The following SIDT1 variants were observed in gnomAD, a reference collection of about 807,000 sequenced individuals.
The protein encoded by SIDT1 is SID1 transmembrane family, member 1.
Under a neutral mutation model 107.5 loss-of-function variants are expected in SIDT1, and 101 were observed. The observed-to-expected ratio is 0.94, with a 90% CI of 0.80 to 1.11. The LOEUF is 1.11. Among genes scored for constraint, SIDT1 ranks in the 50% least tolerant of loss-of-function variants. SIDT1 has a pLI of 0.00. For missense variants in SIDT1, 1,076 were observed against 1,058.2 expected (o/e 1.02, Z -0.23); for synonymous variants, 395 against 398.2 (o/e 0.99, Z 0.10).
At chr3:113,568,423 T>A (rs1942119017) in intron 3 of SIDT1, among the ~76,000 whole-genome samples, 1 of 151,452 alleles carries the variant, frequency 6.6e-6, no homozygotes, top group Non-Finnish European at 1.5e-5. Flanking sequence ...TGAAACCCCA[T>A]CTCTACTAAA....
intron 3 of SIDT1, among the ~76,000 whole-genome samples, chr3:113,573,640 G>A (rs1168401527): frequency 6.6e-6 from 1 of 152,110 alleles, no homozygotes; most frequent in Admixed American, 6.5e-5. Context: ...GAGATGATTA[G>A]GTCGTGAGAG....
At chr3:113,619,598 T>C in intron 20 of SIDT1, 82 bp from the exon 21 acceptor site, 2 of 1,187,126 alleles carry the variant, frequency 1.7e-6, no homozygotes, top group Non-Finnish European at 2.5e-6. Context: ...TGTTTTCCCA[T>C]AGTTGATACT....
chr3:113,559,409 AGGTT>A (rs1236908002), intron 1 of SIDT1, among the ~76,000 whole-genome samples: 1 of 150,724 alleles, frequency 6.6e-6, no homozygotes, highest in Non-Finnish European at 1.5e-5. Flanking sequence ...ATCTTTTTAC[AGGTT>A]CTTTGGTCAT....
At chr3:113,575,610 A>T (rs72950893) in intron 3 of SIDT1, among the ~76,000 whole-genome samples, 10,325 of 152,338 alleles carry the variant, frequency 0.068, 597 homozygotes, top group African/African-American at 0.15. Context: ...TATAAAAATT[A>T]CATCTATTGT....
chr3:113,541,496 C>T (rs1938863201), intron 1 of SIDT1, among the ~76,000 whole-genome samples: 1 of 152,178 alleles, frequency 6.6e-6, no homozygotes, highest in Admixed American at 6.5e-5. Flanking sequence ...AAGTTCTAGT[C>T]CTTATGTTAA....
intron 1 of SIDT1, among the ~76,000 whole-genome samples, chr3:113,563,003 A>G (rs1560039346): frequency 6.6e-6 from 1 of 152,228 alleles, no homozygotes; most frequent in African/African-American, 2.4e-5. Context: ...GAGGGACACC[A>G]CTTATTTAGT....
intron 3 of SIDT1, among the ~76,000 whole-genome samples, chr3:113,573,232 T>C (rs577634733): frequency 1.3e-5 from 2 of 152,260 alleles, no homozygotes; most frequent in South Asian, 2.1e-4. Context: ...ACATTCCCTT[T>C]TATCATGTGG....
Position 113,611,027 on chromosome 3 carries a change from G to A in SIDT1, c.1740G>A (p.Met580Ile). The change falls in exon 18 of 25, where the codon ATG becomes ATA. Residue 580 changes from methionine to isoleucine, a missense_variant. Physicochemically the swap from Met to Ile is conservative, Grantham distance 10. Transcript: ENST00000264852. ...NFQFDTSFMYMIAGLCMLKLY... is the reference protein window; with the variant it reads ...NFQFDTSFMYIIAGLCMLKLY... ...CCTCAGACACCTCCTTCATGTACATGATCGCTGGCCTGTGCATGCTGAAGC... is the reference window on the plus strand; with the variant it reads ...CCTCAGACACCTCCTTCATGTACATAATCGCTGGCCTGTGCATGCTGAAGC... 6 of 1,613,798 alleles carry A rather than the reference G, an allele frequency of 3.7e-6. No homozygotes were observed. The highest frequency in any genetic ancestry group is 5.1e-6 in the Non-Finnish European group (6 of 1,179,832).
At chr3:113,601,804 T>C (rs1277155495) in intron 11 of SIDT1, 145 bp downstream of exon 11, 3 of 553,870 alleles carry the variant, frequency 5.4e-6, no homozygotes, top group Admixed American at 7.2e-5. Context: ...ATGAGTTGCT[T>C]GGAGATTTGG....
chr3:113,584,806 T>A (rs1317658873), intron 8 of SIDT1, 37 bp downstream of exon 8: 1 of 1,394,498 alleles, frequency 7.2e-7, no homozygotes, highest in Non-Finnish European at 9.8e-7. Context: ...AAGAGATTCC[T>A]GTGTCAGAAA....
At chr3:113,594,117 T>C (rs988626261) in intron 10 of SIDT1, among the ~76,000 whole-genome samples, 4 of 152,330 alleles carry the variant, frequency 2.6e-5, no homozygotes, top group Middle Eastern at 3.4e-3. Context: ...CACAGAATCT[T>C]AGAAAGACTT....
At chr3:113,589,570 G>A (rs1391560983) in intron 9 of SIDT1, among the ~76,000 whole-genome samples, 2 of 117,974 alleles carry the variant, frequency 1.7e-5, no homozygotes, top group Non-Finnish European at 3.2e-5. Flanking sequence ...CTCTCGCCCT[G>A]TCATCCAGGC....
At chr3:113,616,001 G>A (rs562009484) in intron 19 of SIDT1, 99 bp from the exon 20 acceptor site, 15 of 815,372 alleles carry the variant, frequency 1.8e-5, no homozygotes, top group East Asian at 1.4e-4. Context: ...TTAATGAAGT[G>A]AGGATGACAT....
chr3:113,575,211 A>G (rs887527745), intron 3 of SIDT1, among the ~76,000 whole-genome samples: 6 of 152,212 alleles, frequency 3.9e-5, no homozygotes, highest in African/African-American at 1.4e-4. Context: ...TCTGGCAAAA[A>G]AATATGGGTT....
In SIDT1 at chr3:113,563,968, A is replaced by T. The variant is rs573125899; in HGVS notation, c.223-2452A>T. Among the ~76,000 whole-genome samples the T allele has an allele frequency of 2.0e-5, 3 of 150,642 alleles. No individual in the cohort carries two copies. The East Asian group carries it at 5.9e-4, about 29-fold the overall frequency. ...TTTTTTTTTGTTTTGTTTTTTTGAG[A>T]TGGAGTTTCACTCTTTGTTGCCCAG... On this transcript the variant is annotated intron_variant, in intron 1 of 24. Coordinates refer to ENST00000264852, the MANE Select transcript of SIDT1 (RefSeq NM_017699.3).
chr3:113,545,090 G>A (rs544788165), intron 1 of SIDT1, among the ~76,000 whole-genome samples: 6 of 144,216 alleles, frequency 4.2e-5, no homozygotes, highest in African/African-American at 1.3e-4. Context: ...ACTCCAGCCC[G>A]GGCGACAGAG....
intron 19 of SIDT1, among the ~76,000 whole-genome samples, chr3:113,614,135 GTGACCTTTCATGGACGTTC>G (rs1489355643): frequency 2.6e-5 from 4 of 152,216 alleles, no homozygotes; most frequent in African/African-American, 9.6e-5. Context: ...GAAAGGAACA[GTGACCTTTCATGGACGTTC>G]TGACCAGCCT....
At chr3:113,584,857 A>G in intron 8 of SIDT1, 88 bp downstream of exon 8, 1 of 982,540 alleles carries the variant, frequency 1.0e-6, no homozygotes, top group Non-Finnish European at 1.5e-6. Context: ...CCTTCCAGAG[A>G]GAATTGTCAT....
At chr3:113,538,279 G>C (rs1252208876) in intron 1 of SIDT1, among the ~76,000 whole-genome samples, 1 of 152,244 alleles carries the variant, frequency 6.6e-6, no homozygotes, top group Non-Finnish European at 1.5e-5. Context: ...CAGGGCATCA[G>C]TGTGTGTCAT....
Sources: allele counts gnomAD v4.1 joint callset (sites outside exome capture counted in the v4.1 genomes callset), GRCh38; gene constraint gnomAD v4.1.1; transcripts MANE v1.5; gene names NCBI Gene and HGNC (gene_info 2026-07-23, HGNC 2026-07-21).